Variants in USP34 observed in about 807,000 individuals in gnomAD.
USP34 encodes ubiquitin specific peptidase 34.
A neutral mutation model predicts 460.3 loss-of-function variants in USP34; 70 were observed. The ratio of observed to expected loss-of-function variants is 0.15; its 90% CI spans 0.13 to 0.19. The LOEUF is 0.19. Among genes scored for constraint, USP34 ranks in the 10% least tolerant of loss-of-function variants. The probability of loss-of-function intolerance (pLI) is 1.00; values close to 1 mark genes in which losing one functional copy is unlikely to be tolerated. For synonymous variants in USP34, 1,647 were observed against 1,405.3 expected (o/e 1.17, Z -3.85); for missense variants, 3,985 against 4,236.2 (o/e 0.94, Z 1.65).
At chr2:61,455,151 G>C (rs969316704) in intron 1 of USP34, among the ~76,000 whole-genome samples, 1 of 151,900 alleles carries the variant, frequency 6.6e-6, no homozygotes, top group Non-Finnish European at 1.5e-5. Flanking sequence ...CAAAATGCTG[G>C]GATTACAGGT....
At chr2:61,464,332 C>A (rs1427645637) in intron 1 of USP34, among the ~76,000 whole-genome samples, 1 of 151,452 alleles carries the variant, frequency 6.6e-6, no homozygotes, top group Non-Finnish European at 1.5e-5. Flanking sequence ...AACACCACCA[C>A]CAACAAAATA....
At chr2:61,310,710 A>C (rs374525827) in intron 27 of USP34, among the ~76,000 whole-genome samples, 1 of 151,328 alleles carries the variant, frequency 6.6e-6, no homozygotes, top group Non-Finnish European at 1.5e-5. Context: ...CTACATGAAA[A>C]ATTTCTTAAG....
At chr2:61,372,262 C>A (rs1452934023) in intron 8 of USP34, among the ~76,000 whole-genome samples, 1 of 151,766 alleles carries the variant, frequency 6.6e-6, no homozygotes, top group Non-Finnish European at 1.5e-5. Context: ...CACATATGGA[C>A]CTCAAAGGGT....
intron 1 of USP34, among the ~76,000 whole-genome samples, chr2:61,468,935 G>A (rs562132751): frequency 5.1e-4 from 78 of 152,166 alleles, no homozygotes; most frequent in African/African-American, 1.6e-3. Context: ...TCAGCCAGGC[G>A]CAGTGGCTCA....
At chr2:61,418,343 G>T (rs1335670296) in intron 2 of USP34, among the ~76,000 whole-genome samples, 1 of 152,188 alleles carries the variant, frequency 6.6e-6, no homozygotes, top group African/African-American at 2.4e-5. Flanking sequence ...GCCTCTCAAA[G>T]TGCTGGGATT....
At chr2:61,305,436 A>C (rs1306108512) in intron 27 of USP34, among the ~76,000 whole-genome samples, 1 of 152,188 alleles carries the variant, frequency 6.6e-6, no homozygotes, top group Admixed American at 6.5e-5. Context: ...CCCCGAAAAA[A>C]GATAAATCCC....
chr2:61,192,917 TCAGTC>T lies in USP34; in HGVS notation c.9567_9571del (p.Trp3189Ter). The stretch of plus-strand genomic sequence containing the variant: ...TTTCTTTACCTGAGTCTGGCATAGC[TCAGTC>T]CAAAGTTTGGGGAACAGTGCAAGAT... On this transcript the variant is annotated stop_gained and frameshift_variant, in exon 76 of 80. Coordinates refer to ENST00000398571, the MANE Select transcript of USP34 (RefSeq NM_014709.4). LOFTEE classifies it high-confidence loss of function. 6.2e-7 allele frequency: 1 copy of T among 1,613,776 alleles called. No homozygotes were observed. The highest frequency in any genetic ancestry group is 8.5e-7 in the Non-Finnish European group (1 of 1,179,786).
chr2:61,349,866 AAC>A (rs754173998), intron 12 of USP34, among the ~76,000 whole-genome samples: 51,315 of 149,626 alleles, frequency 0.34, 8,681 homozygotes, highest in African/African-American at 0.36. Flanking sequence ...CAACAACAAC[AAC>A]AAAAAAACCC....
intron 18 of USP34, among the ~76,000 whole-genome samples, chr2:61,334,474 C>T (rs535543110): frequency 1.2e-4 from 19 of 152,214 alleles, no homozygotes; most frequent in South Asian, 1.0e-3. Flanking sequence ...CAGATACTGA[C>T]ATAGAAATCC....
chr2:61,301,223 C>T, intron 28 of USP34, 63 bp from the exon 29 acceptor site: 3 of 1,541,364 alleles, frequency 1.9e-6, no homozygotes, highest in Non-Finnish European at 2.6e-6. Flanking sequence ...AACGGTAAAT[C>T]TGAAGTATAG....
At chr2:61,441,994 T>C (rs1694979900) in intron 1 of USP34, among the ~76,000 whole-genome samples, 1 of 152,078 alleles carries the variant, frequency 6.6e-6, no homozygotes, top group Non-Finnish European at 1.5e-5. Context: ...AACTGATTTT[T>C]GACAAAGGTG....
chr2:61,244,604 A>T (rs1018819318), intron 51 of USP34, among the ~76,000 whole-genome samples: 8 of 148,130 alleles, frequency 5.4e-5, no homozygotes, highest in African/African-American at 2.0e-4. Flanking sequence ...ACACAGCAAG[A>T]ATCCGACTTG....
chr2:61,224,854 CTT>C (rs907198232), intron 62 of USP34, among the ~76,000 whole-genome samples: 4 of 152,202 alleles, frequency 2.6e-5, no homozygotes, highest in Admixed American at 1.3e-4. Context: ...TAAGTTGGCT[CTT>C]GAGTTTCTTT....
intron 27 of USP34, among the ~76,000 whole-genome samples, chr2:61,304,358 T>C (rs988088056): frequency 2.0e-5 from 3 of 152,248 alleles, no homozygotes; most frequent in Non-Finnish European, 2.9e-5. Context: ...AGCAATTTAT[T>C]TAGCATACTG....
chr2:61,255,464 G>T (rs1572875774), intron 48 of USP34, among the ~76,000 whole-genome samples: 1 of 152,258 alleles, frequency 6.6e-6, no homozygotes, highest in South Asian at 2.1e-4. Context: ...TTGCTTATTT[G>T]TATCTTAGGA....
At chr2:61,406,991 C>T (rs1263596398) in intron 2 of USP34, among the ~76,000 whole-genome samples, 1 of 152,104 alleles carries the variant, frequency 6.6e-6, no homozygotes, top group Non-Finnish European at 1.5e-5. Context: ...GCCTGGGCAA[C>T]AAGACCAAAA....
chr2:61,453,291 A>G (rs1573059158), intron 1 of USP34, among the ~76,000 whole-genome samples: 1 of 152,020 alleles, frequency 6.6e-6, no homozygotes, highest in Middle Eastern at 3.2e-3. Context: ...GCCTGCGCCT[A>G]TAATCCCAGC....
At chr2:61,345,272 TA>T (rs33948872) in intron 15 of USP34, among the ~76,000 whole-genome samples, 48,737 of 144,504 alleles carry the variant, frequency 0.34, 7,894 homozygotes, top group Non-Finnish European at 0.38. Flanking sequence ...TGACTGTGTT[TA>T]AAAAAAAAAA....
chr2:61,243,826 C>T (rs907351774), intron 51 of USP34, among the ~76,000 whole-genome samples: 1 of 150,494 alleles, frequency 6.6e-6, no homozygotes, highest in East Asian at 2.0e-4. Context: ...GCCAAGATCA[C>T]GCCACTGTAC....
Sources: allele counts gnomAD v4.1 joint callset (sites outside exome capture counted in the v4.1 genomes callset), GRCh38; gene constraint gnomAD v4.1.1; transcripts MANE v1.5; gene names NCBI Gene and HGNC (gene_info 2026-07-23, HGNC 2026-07-21).